DOCK4: variants seen among roughly 807,000 people sequenced by gnomAD.
DOCK4 encodes the protein dedicator of cytokinesis 4.
Under a neutral mutation model 268.1 loss-of-function variants are expected in DOCK4, and 97 were observed. The observed-to-expected ratio is 0.36, with a 90% CI of 0.31 to 0.43. The LOEUF (loss-of-function observed/expected upper bound fraction) is 0.43, where lower values mean the gene tolerates loss of function less well. Among genes scored for constraint, DOCK4 ranks in the 20% least tolerant of loss-of-function variants. DOCK4 has a pLI of 1.00. For synonymous variants in DOCK4, 954 were observed against 887.2 expected, an observed-to-expected ratio of 1.08 and a Z score of -1.34; for missense variants, 2,145 against 2,455.7, an observed-to-expected ratio of 0.87 and a Z score of 2.67.
chr7:111,969,655 A>T (rs1350616252), intron 8 of DOCK4, among the ~76,000 whole-genome samples: 1 of 143,470 alleles, frequency 7.0e-6, no homozygotes, highest in Non-Finnish European at 1.5e-5. Context: ...CCAAATGTGA[A>T]ATAAAAACCA....
chr7:111,947,180 C>T (rs1795684727), intron 8 of DOCK4, among the ~76,000 whole-genome samples: 1 of 152,154 alleles, frequency 6.6e-6, no homozygotes, highest in Admixed American at 6.6e-5. Flanking sequence ...CCAAGGAAGC[C>T]TCTATGTTAT....
intron 16 of DOCK4, among the ~76,000 whole-genome samples, chr7:111,895,074 A>G (rs1808629958): frequency 9.2e-6 from 1 of 109,080 alleles, no homozygotes; most frequent in Admixed American, 7.8e-5. Context: ...AGATAATTAC[A>G]AGGGGTTCTC....
intron 1 of DOCK4, among the ~76,000 whole-genome samples, chr7:112,012,496 G>A (rs551454258): frequency 7.5e-4 from 114 of 152,288 alleles, no homozygotes; most frequent in African/African-American, 2.4e-3. Flanking sequence ...TGCAAGGGAC[G>A]ATAGACAGCA....
intron 52 of DOCK4, among the ~76,000 whole-genome samples, chr7:111,731,927 T>C (rs924867732): frequency 6.6e-6 from 1 of 152,174 alleles, no homozygotes; most frequent in African/African-American, 2.4e-5. Context: ...AGGAGGTACA[T>C]TAGGACCACA....
rs566842923 is a variant in DOCK4 at position 111,804,058 on chromosome 7, T to G, written c.3166+4763A>C. On this transcript the variant is annotated intron_variant, in intron 30 of 52. Coordinates refer to ENST00000428084, the MANE Select transcript of DOCK4 (RefSeq NM_001363540.2). ...TTCCTCAAAAAATTAACAATAGAAT[T>G]CCCATATGATCCAGCAATTCCACTT... 3.3e-5 allele frequency among the ~76,000 whole-genome samples: 5 copies of G among 152,138 alleles called. No homozygotes were observed. In the South Asian group the frequency reaches 1.0e-3, roughly 32 times the overall value.
At chr7:111,994,437 A>C (rs1281478757) in intron 4 of DOCK4, among the ~76,000 whole-genome samples, 1 of 152,198 alleles carries the variant, frequency 6.6e-6, no homozygotes, top group Non-Finnish European at 1.5e-5. Flanking sequence ...CACTTCAACC[A>C]GATCAAGTTT....
intron 13 of DOCK4, among the ~76,000 whole-genome samples, chr7:111,904,319 C>G (rs142665785): frequency 2.0e-5 from 3 of 152,266 alleles, no homozygotes; most frequent in Non-Finnish European, 2.9e-5. Flanking sequence ...TCCCCAGAGT[C>G]TTGATTCTAG....
intron 8 of DOCK4, among the ~76,000 whole-genome samples, chr7:111,949,958 G>A (rs191687419): frequency 7.4e-4 from 112 of 152,134 alleles, no homozygotes; most frequent in Admixed American, 1.2e-3. Flanking sequence ...ACGGAGTCTC[G>A]TTCTATCACC....
chr7:111,776,398 A>G (rs1304577761), intron 36 of DOCK4, among the ~76,000 whole-genome samples: 1 of 152,228 alleles, frequency 6.6e-6, no homozygotes, highest in Non-Finnish European at 1.5e-5. Context: ...ATACAATAAC[A>G]AAAATAAACG....
chr7:112,142,320 A>G (rs1035355401), intron 1 of DOCK4, among the ~76,000 whole-genome samples: 1 of 152,132 alleles, frequency 6.6e-6, no homozygotes, highest in Non-Finnish European at 1.5e-5. Context: ...TTAGCTCTGA[A>G]TTTTCACTAT....
chr7:112,117,022 C>A (rs1028888832), intron 1 of DOCK4, among the ~76,000 whole-genome samples: 1 of 152,180 alleles, frequency 6.6e-6, no homozygotes, highest in Non-Finnish European at 1.5e-5. Flanking sequence ...CTGAAAGAAA[C>A]AGTAACTGAA....
At chr7:111,777,323 A>G in intron 36 of DOCK4, among the ~76,000 whole-genome samples, 1 of 152,228 alleles carries the variant, frequency 6.6e-6, no homozygotes, top group East Asian at 1.9e-4. Context: ...TCACCACTGG[A>G]TCTGCTTTAA....
At chr7:111,914,259 T>C (rs1351626114) in intron 13 of DOCK4, among the ~76,000 whole-genome samples, 1 of 152,164 alleles carries the variant, frequency 6.6e-6, no homozygotes, top group East Asian at 1.9e-4. Context: ...GATCACCACT[T>C]ACCTGGATTA....
chr7:111,826,222 A>G (rs949199922), intron 26 of DOCK4, among the ~76,000 whole-genome samples: 17 of 152,344 alleles, frequency 1.1e-4, no homozygotes, highest in African/African-American at 4.1e-4. Flanking sequence ...TAGGCCTCAG[A>G]AGCAAGAGAG....
intron 16 of DOCK4, among the ~76,000 whole-genome samples, chr7:111,881,442 T>C (rs1807380627): frequency 6.6e-6 from 1 of 152,100 alleles, no homozygotes; most frequent in Non-Finnish European, 1.5e-5. Flanking sequence ...GGTGAAGATG[T>C]GGAGAAAAGG....
chr7:112,198,719 C>T (rs569669120), intron 1 of DOCK4, among the ~76,000 whole-genome samples: 3 of 152,190 alleles, frequency 2.0e-5, no homozygotes, highest in East Asian at 3.9e-4. Context: ...TATATTCTAA[C>T]AAAAAAATTG....
At chr7:111,748,274 C>A (rs748547333) in intron 42 of DOCK4, among the ~76,000 whole-genome samples, 21 of 152,012 alleles carry the variant, frequency 1.4e-4, no homozygotes, top group Non-Finnish European at 2.1e-4. Context: ...TAAACCAACA[C>A]TGAAAAATCC....
chr7:111,909,811 A>G (rs1355209838), intron 13 of DOCK4, among the ~76,000 whole-genome samples: 3 of 152,040 alleles, frequency 2.0e-5, no homozygotes, highest in African/African-American at 7.2e-5. Flanking sequence ...ATAATAAAAA[A>G]TTAGCTGGGT....
chr7:112,040,301 T>C (rs1804238869), intron 1 of DOCK4, among the ~76,000 whole-genome samples: 1 of 152,224 alleles, frequency 6.6e-6, no homozygotes, highest in Admixed American at 6.5e-5. Context: ...CTACCACATG[T>C]AGACACTGTA....
Sources: allele counts gnomAD v4.1 joint callset (sites outside exome capture counted in the v4.1 genomes callset), GRCh38; gene constraint gnomAD v4.1.1; transcripts MANE v1.5; gene names NCBI Gene and HGNC (gene_info 2026-07-23, HGNC 2026-07-21).